Variants in PRRC2C observed in about 807,000 individuals in gnomAD.
PRRC2C encodes proline rich coiled-coil 2C, also known as protein PRRC2C.
Under a neutral mutation model 317.2 loss-of-function variants are expected in PRRC2C, and 72 were observed. The observed-to-expected ratio is 0.23, with a 90% CI of 0.19 to 0.28. The LOEUF is 0.28. PRRC2C is among the 10% of genes least tolerant of loss of function. The pLI, the probability that PRRC2C is intolerant of heterozygous loss-of-function variation, is 1.00. For missense variants in PRRC2C, 3,074 were observed against 3,459.7 expected (o/e 0.89, Z 2.80); for synonymous variants, 1,296 against 1,205.9 (o/e 1.07, Z -1.55).
chr1:171,533,824 A>T (rs537976021), intron 12 of PRRC2C, among the ~76,000 whole-genome samples: 5 of 152,276 alleles, frequency 3.3e-5, no homozygotes, highest in Non-Finnish European at 5.9e-5. Context: ...GGGTTTCACT[A>T]TGTTGGCTAG....
chr1:171,528,317 C>G (rs1337077002), intron 11 of PRRC2C, among the ~76,000 whole-genome samples: 1 of 139,300 alleles, frequency 7.2e-6, no homozygotes, highest in South Asian at 2.3e-4. Context: ...TAGACAGAGT[C>G]TAGCTCTGTC....
chr1:171,514,146 C>T (rs1333620972), intron 3 of PRRC2C, among the ~76,000 whole-genome samples: 2 of 152,156 alleles, frequency 1.3e-5, no homozygotes, highest in African/African-American at 4.8e-5. Context: ...CTTTAGCCCT[C>T]AACTAATTTC....
At chr1:171,589,315 T>G (rs1016479893) in intron 33 of PRRC2C, 54 bp from the exon 34 acceptor site, 117 of 702,322 alleles carry the variant, frequency 1.7e-4, no homozygotes, top group South Asian at 3.3e-4. Context: ...GCAGTTTTTT[T>G]TTTTTTTTTT....
chr1:171,560,867 A>G, intron 19 of PRRC2C, 151 bp from the exon 20 acceptor site: 1 of 707,424 alleles, frequency 1.4e-6, no homozygotes, highest in Non-Finnish European at 2.5e-6. Flanking sequence ...GTTGATACAT[A>G]ATAATCTTTG....
At chr1:171,534,582 C>T (rs1464550715) in intron 12 of PRRC2C, among the ~76,000 whole-genome samples, 1 of 151,752 alleles carries the variant, frequency 6.6e-6, no homozygotes, top group African/African-American at 2.4e-5. Flanking sequence ...CTATGTGGCT[C>T]TTTTTCCTCC....
chr1:171,541,468 C>G lies in PRRC2C; in HGVS notation c.4002C>G (p.Gly1334=). The change falls in exon 16 of 35, where the codon GGC becomes GGG. Residue 1334 remains glycine, a synonymous_variant. Transcript: ENST00000647382. The surrounding 1 kb of genome is among the most constrained non-coding windows in gnomAD (Gnocchi z 4.1). The stretch of plus-strand genomic sequence containing the variant: ...GGGATGACGATAAAGCTAAACCAGG[C>G]TTTCTTCCTAAAGGAGAGCCTACAA... The part of the protein sequence containing the change: ...YVRDDDKAKP[G]FLPKGEPTRR... 2 of 1,613,756 alleles carry G rather than the reference C, an allele frequency of 1.2e-6. No individual in the cohort carries two copies. Among genetic ancestry groups the G allele is most frequent in the Non-Finnish European group, 1.7e-6 (2 of 1,179,798 alleles).
intron 5 of PRRC2C, 137 bp from the exon 6 acceptor site, chr1:171,517,454 T>C (rs1222184693): frequency 7.8e-6 from 6 of 768,526 alleles, no homozygotes; most frequent in African/African-American, 3.5e-5. Context: ...TTGAAAGCAT[T>C]AGTAGGACCT....
chr1:171,505,652 T>G (rs1227367826), intron 1 of PRRC2C, among the ~76,000 whole-genome samples: 1 of 152,210 alleles, frequency 6.6e-6, no homozygotes, highest in African/African-American at 2.4e-5. Context: ...CTCATTTCTC[T>G]TCATTGAAGG....
At chr1:171,582,495 C>A (rs6702038) in intron 28 of PRRC2C, among the ~76,000 whole-genome samples, 18,756 of 152,042 alleles carry the variant, frequency 0.12, 1,225 homozygotes, top group East Asian at 0.21. Flanking sequence ...TAGAGTGTAC[C>A]TACAGGAACC....
At chr1:171,559,337 G>T (rs1460407920) in intron 19 of PRRC2C, among the ~76,000 whole-genome samples, 1 of 152,104 alleles carries the variant, frequency 6.6e-6, no homozygotes, top group Non-Finnish European at 1.5e-5. Context: ...TAACTCTCTT[G>T]TTAGGGGCTA....
At chr1:171,574,856 T>C (rs369740326) in intron 24 of PRRC2C, 71 bp from the exon 25 acceptor site, 8 of 1,348,346 alleles carry the variant, frequency 5.9e-6, no homozygotes, top group African/African-American at 5.8e-5. Flanking sequence ...TAAATACTGA[T>C]ACATGTATAT....
At position 171,588,425 on chromosome 1, in the gene PRRC2C, A is replaced by C. The variant is rs1448541913; in HGVS notation, c.8119A>C (p.Ile2707Leu). 3.1e-6 allele frequency: 5 copies of C among 1,613,498 alleles called. No individual in the cohort carries two copies. The African/African-American group carries it at 6.7e-5, about 22-fold the overall frequency. The change falls in exon 33 of 35, where the codon ATT becomes CTT. Residue 2707 changes from isoleucine (I) to leucine (L), a missense_variant. Around this residue, in one of 11 missense-constraint regions of PRRC2C, gnomAD observed 490 missense variants for 663.1 expected, o/e 0.74. Coordinates refer to ENST00000647382, the MANE Select transcript of PRRC2C (RefSeq NM_001387844.1). The stretch of plus-strand genomic sequence containing the variant: ...CAGCCAGTCCAGCAAAATGAACAGC[A>C]TTGTCTACCAGAAGCAGTTCCAGTC... ...PNSQSSKMNS[I>L]VYQKQFQSAP...
intron 1 of PRRC2C, among the ~76,000 whole-genome samples, chr1:171,502,663 G>GA (rs1186751825): frequency 6.6e-6 from 1 of 152,120 alleles, no homozygotes; most frequent in Admixed American, 6.5e-5. Flanking sequence ...AACCTGTAGA[G>GA]AATTGTTTTG....
rs1236663155 is a variant in PRRC2C, at chr1:171,559,505, G to GTTTTTTTTTTTTTTTTTTTTTTTT, written c.6031+1365_6031+1366insTTTTTTTTTTTTTTTTTTTTTTTT. Among the ~76,000 whole-genome samples, 6 of 95,124 alleles carry GTTTTTTTTTTTTTTTTTTTTTTTT rather than the reference G, an allele frequency of 6.3e-5. 3 individuals carry two copies. The highest frequency in any genetic ancestry group is 8.0e-5 in the African/African-American group (2 of 24,866). The allele number at this position is 95,124 out of a possible 152,430, so 62.4% of individuals were successfully genotyped here. A position where few individuals can be genotyped will look rare whatever the true frequency, so the allele number is the denominator to read the frequency against. ...ATCTGTTTACAAAATGGCATACCAA[G>GTTTTTTTTTTTTTTTTTTTTTTTT]TTTGTTTTTTTTTTTTTTTTTTTTT... is the stretch of plus-strand genomic sequence containing the variant. On this transcript the variant is annotated intron_variant, in intron 19 of 34. Coordinates refer to ENST00000647382, the MANE Select transcript of PRRC2C (RefSeq NM_001387844.1).
chr1:171,540,340 A>G lies in PRRC2C; in HGVS notation c.2874A>G (p.Ser958=), dbSNP rs759113121. The G allele has an allele frequency of 1.5e-5, 25 of 1,613,216 alleles. No individual in the cohort carries two copies. The highest frequency in any genetic ancestry group is 9.9e-5 in the South Asian group (9 of 90,952). The part of the protein sequence containing the change: ...IPKVTSRCID[S]KEPIERPEEK... The stretch of plus-strand genomic sequence containing the variant: ...AAGTAACCAGCAGATGCATTGATTC[A>G]AAAGAACCAATAGAAAGGCCAGAGG... The change falls in exon 16 of 35, where the codon TCA becomes TCG. Residue 958 remains serine, a synonymous_variant. Transcript: ENST00000647382.
At position 171,559,505 on chromosome 1, in the gene PRRC2C, G is replaced by GTTTTTTTTTTT. The variant is rs1236663155; in HGVS notation, c.6031+1365_6031+1366insTTTTTTTTTTT. On this transcript the variant is annotated intron_variant, in intron 19 of 34. Transcript: ENST00000647382. ...ATCTGTTTACAAAATGGCATACCAA[G>GTTTTTTTTTTT]TTTGTTTTTTTTTTTTTTTTTTTTT... Among the ~76,000 whole-genome samples, 46 of 95,132 alleles carry GTTTTTTTTTTT rather than the reference G, an allele frequency of 4.8e-4. 22 individuals carry two copies. Among genetic ancestry groups the GTTTTTTTTTTT allele is most frequent in the East Asian group, 6.3e-4 (2 of 3,172 alleles). 62.4% of individuals were successfully genotyped at this position (95,132 alleles called of 152,430 possible).
Position 171,588,771 on chromosome 1 carries a change from T to G in PRRC2C, c.8199+266T>G, listed in dbSNP as rs3817773. Among the ~76,000 whole-genome samples, 5 of 152,318 alleles carry G rather than the reference T, an allele frequency of 3.3e-5. No homozygotes were observed. In the East Asian group the frequency reaches 9.6e-4, roughly 29 times the overall value. On this transcript the variant is annotated intron_variant, in intron 33 of 34. Coordinates refer to ENST00000647382, the MANE Select transcript of PRRC2C (RefSeq NM_001387844.1). ...ATAATGAGTCCTTTTCCTTTTAACT[T>G]TTTTTAAGGAGTTGACTTTTCAGCG...
In PRRC2C at chr1:171,557,591, G is replaced by C; in HGVS notation, c.5479G>C (p.Ala1827Pro). The change falls in exon 19 of 35, where the codon GCT becomes CCT. Residue 1827 changes from alanine to proline, a missense_variant. Around this residue, in one of 11 missense-constraint regions of PRRC2C, gnomAD observed 640 missense variants for 676.1 expected, o/e 0.95. Transcript: ENST00000647382. ...VSASVPASTSAAAITSSSAPA... is the reference protein window; with the variant it reads ...VSASVPASTSPAAITSSSAPA... ...AGCTTCAGTTCCAGCCTCTACTTCA[G>C]CTGCAGCTATAACCTCTTCTTCAGC... The C allele has an allele frequency of 1.9e-6, 3 of 1,551,590 alleles. No homozygotes were observed. The highest frequency in any genetic ancestry group is 2.6e-6 in the Non-Finnish European group (3 of 1,146,976).
intron 20 of PRRC2C, among the ~76,000 whole-genome samples, chr1:171,562,693 G>A (rs189359946): frequency 2.6e-5 from 4 of 152,302 alleles, no homozygotes; most frequent in Admixed American, 2.6e-4. Flanking sequence ...AGATTGGACA[G>A]TTTTTGACAT....
Sources: allele counts gnomAD v4.1 joint callset (sites outside exome capture counted in the v4.1 genomes callset), GRCh38; gene constraint gnomAD v4.1.1; regional missense constraint gnomAD v4.1.1; non-coding constraint Gnocchi (gnomAD v3.1); transcripts MANE v1.5; gene names NCBI Gene and HGNC (gene_info 2026-07-23, HGNC 2026-07-21).